RGS6: variants seen among roughly 807,000 people sequenced by gnomAD.
RGS6 encodes the protein regulator of G protein signaling 6, also known as regulator of G-protein signaling 6.
RGS6 carries 30 observed loss-of-function variants against 78.5 expected under a neutral mutation model. The observed-to-expected ratio is 0.38, with a 90% CI of 0.29 to 0.52. The LOEUF (loss-of-function observed/expected upper bound fraction) is 0.52. Among genes scored for constraint, RGS6 ranks in the 20% least tolerant of loss-of-function variants. The pLI is 0.85. For synonymous variants in RGS6, 206 were observed against 206.0 expected (o/e 1.00, Z 0.00); for missense variants, 495 against 609.7 (o/e 0.81, Z 1.98).
chr14:72,115,685 A>G (rs549090872), intron 2 of RGS6, among the ~76,000 whole-genome samples: 1 of 152,364 alleles, frequency 6.6e-6, no homozygotes, highest in African/African-American at 2.4e-5. Context: ...CACCAATGCA[A>G]AAGACTATAG....
At chr14:72,218,929 A>T (rs371437458) in intron 2 of RGS6, among the ~76,000 whole-genome samples, 5 of 152,046 alleles carry the variant, frequency 3.3e-5, no homozygotes, top group African/African-American at 1.2e-4. Flanking sequence ...ATTACATATT[A>T]TTGATAACCT....
At chr14:72,381,971 A>AGT (rs1340710537) in intron 3 of RGS6, among the ~76,000 whole-genome samples, 35 of 152,026 alleles carry the variant, frequency 2.3e-4, no homozygotes, top group Non-Finnish European at 2.9e-5. Context: ...GCAAAAAAAC[A>AGT]GTGTCTTAAA....
chr14:72,052,532 A>C (rs1366494419), intron 2 of RGS6, among the ~76,000 whole-genome samples: 5 of 152,212 alleles, frequency 3.3e-5, no homozygotes, highest in African/African-American at 1.2e-4. Flanking sequence ...GACAAGGCTT[A>C]TTCTGACACA....
chr14:71,992,507 GTAT>G lies in RGS6; in HGVS notation c.84+27637_84+27639del, dbSNP rs573165715. ...CTGCCCACAGCCCTGTGTAGTGTAG[GTAT>G]TATTCTTTCTATTTAACAGATGAGG... On this transcript the variant is annotated intron_variant, in intron 2 of 17. Coordinates refer to ENST00000553525, the MANE Select transcript of RGS6 (RefSeq NM_001204424.2). Among the ~76,000 whole-genome samples the G allele has an allele frequency of 5.2e-3, 792 of 152,336 alleles. 4 individuals are homozygous for G. The highest frequency in any genetic ancestry group is 9.6e-3 in the Non-Finnish European group (655 of 68,026).
At chr14:72,405,035 G>A (rs953383435) in intron 3 of RGS6, among the ~76,000 whole-genome samples, 1 of 152,158 alleles carries the variant, frequency 6.6e-6, no homozygotes, top group Non-Finnish European at 1.5e-5. Context: ...ATGAGACAAG[G>A]TTGCAGGGAA....
chr14:71,913,798 C>T, the RGS6 span, among the ~76,000 whole-genome samples: 336 of 152,338 alleles, frequency 2.2e-3, 1 homozygote, highest in African/African-American at 7.6e-3. Context: ...AAGCACTTTC[C>T]TCCCTGCTTC....
intron 2 of RGS6, among the ~76,000 whole-genome samples, chr14:72,236,749 G>C (rs2051169012): frequency 6.6e-6 from 1 of 151,864 alleles, no homozygotes; most frequent in Non-Finnish European, 1.5e-5. Context: ...TCACTTCCCA[G>C]ACAGGGCTGC....
chr14:72,620,490 C>T, the RGS6 span, among the ~76,000 whole-genome samples: 4 of 152,192 alleles, frequency 2.6e-5, no homozygotes, highest in East Asian at 1.9e-4. Flanking sequence ...ATGCAAGTAG[C>T]GCCATCCCTC....
intron 2 of RGS6, among the ~76,000 whole-genome samples, chr14:72,152,227 A>G (rs1285995462): frequency 2.5e-5 from 3 of 119,182 alleles, no homozygotes; most frequent in Non-Finnish European, 5.6e-5. Context: ...TGCATGAGAG[A>G]GAGAGAGAGA....
At chr14:72,496,312 C>T (rs2096644595) in intron 13 of RGS6, among the ~76,000 whole-genome samples, 1 of 152,170 alleles carries the variant, frequency 6.6e-6, no homozygotes. Context: ...GGAAACACAG[C>T]GATGGTTGAC....
intron 2 of RGS6, among the ~76,000 whole-genome samples, chr14:72,096,673 T>C (rs1360334358): frequency 1.3e-5 from 2 of 152,192 alleles, no homozygotes; most frequent in Non-Finnish European, 2.9e-5. Context: ...GGCATCTCCA[T>C]ATGGCTTAGG....
intron 3 of RGS6, among the ~76,000 whole-genome samples, chr14:72,352,580 A>G (rs780388406): frequency 6.6e-6 from 1 of 152,244 alleles, no homozygotes; most frequent in South Asian, 2.1e-4. Flanking sequence ...TCAGTTTTTT[A>G]ACTCAGTGTA....
the RGS6 span, chr14:72,612,404 CTCACATA>C: frequency 2.0e-6 from 1 of 509,714 alleles, no homozygotes; most frequent in Non-Finnish European, 3.9e-6. Flanking sequence ...CATGCTCTTG[CTCACATA>C]TCAGGCAGTG....
At chr14:72,362,642 G>A (rs879756293) in intron 3 of RGS6, among the ~76,000 whole-genome samples, 1 of 152,150 alleles carries the variant, frequency 6.6e-6, no homozygotes, top group Non-Finnish European at 1.5e-5. Flanking sequence ...TTGGTCTTAG[G>A]GTTCCAAGCA....
intron 1 of RGS6, among the ~76,000 whole-genome samples, chr14:71,960,345 T>C (rs1208421957): frequency 1.3e-5 from 2 of 152,184 alleles, no homozygotes; most frequent in East Asian, 3.9e-4. Flanking sequence ...CAATAAACCT[T>C]GGGGAAAATC....
At chr14:72,304,376 A>C (rs2066768183) in intron 2 of RGS6, among the ~76,000 whole-genome samples, 1 of 152,216 alleles carries the variant, frequency 6.6e-6, no homozygotes, top group Non-Finnish European at 1.5e-5. Flanking sequence ...TGCTTTTCCT[A>C]ATAAGTGCAC....
At chr14:72,353,353 G>T (rs1412420061) in intron 3 of RGS6, among the ~76,000 whole-genome samples, 10 of 152,182 alleles carry the variant, frequency 6.6e-5, no homozygotes. Context: ...CGGGTAAATG[G>T]ATAAACAAAC....
intron 6 of RGS6, among the ~76,000 whole-genome samples, chr14:72,462,175 A>G: frequency 6.6e-6 from 1 of 152,228 alleles, no homozygotes; most frequent in Non-Finnish European, 1.5e-5. Context: ...AGAGATTTGA[A>G]TAAGTCACAG....
chr14:72,143,032 C>G, intron 2 of RGS6, among the ~76,000 whole-genome samples: 1 of 152,010 alleles, frequency 6.6e-6, no homozygotes, highest in East Asian at 1.9e-4. Flanking sequence ...CCTCAATGAC[C>G]AAATGGAAGT....
Sources: gnomAD v4.1 joint callset for allele counts (sites outside exome capture counted in the v4.1 genomes callset) on GRCh38, gnomAD v4.1.1 for gene constraint, MANE v1.5 for transcripts, NCBI Gene and HGNC (gene_info 2026-07-23, HGNC 2026-07-21) for gene names.